XPOT: variants seen among roughly 807,000 people sequenced by gnomAD.
XPOT encodes the protein exportin for tRNA.
Under a neutral mutation model 128.2 loss-of-function variants are expected in XPOT, and 34 were observed. The ratio of observed to expected loss-of-function variants is 0.27; its 90% CI spans 0.20 to 0.35. XPOT has a LOEUF of 0.35. XPOT is among the 10% of genes least tolerant of loss of function. The pLI is 1.00. For synonymous variants in XPOT, 348 were observed against 394.3 expected, an observed-to-expected ratio of 0.88 and a Z score of 1.39; for missense variants, 838 against 1,125.3, an observed-to-expected ratio of 0.74 and a Z score of 3.65.
chr12:64,439,346 G>T (rs753947892), intron 23 of XPOT, 31 bp downstream of exon 23: 5 of 1,587,838 alleles, frequency 3.1e-6, no homozygotes, highest in Middle Eastern at 1.7e-4. Flanking sequence ...TTGTGTAGGC[G>T]AGAGATCACA....
chr12:64,416,700 A>G lies in XPOT; in HGVS notation c.146A>G (p.Asp49Gly). 6.2e-7 allele frequency: 1 copy of G among 1,611,846 alleles called. No individual in the cohort carries two copies. The highest frequency in any genetic ancestry group is 8.5e-7 in the Non-Finnish European group (1 of 1,178,824). ...CATTTTCTTTTTTTCTTTTTCAGTG[A>G]TGATCATGTGAAGTTTTTCTGCTTT... The part of the protein sequence containing the change: ...AEALAQRTYS[D>G]DHVKFFCFQV... Residue 49 changes from aspartate (D) to glycine (G), a missense_variant and splice_region_variant, in exon 4 of 25, where the codon GAT becomes GGT. Transcript: ENST00000332707.
intron 2 of XPOT, among the ~76,000 whole-genome samples, chr12:64,412,161 G>C (rs1391911623): frequency 6.6e-6 from 1 of 151,636 alleles, no homozygotes; most frequent in Non-Finnish European, 1.5e-5. Flanking sequence ...AGAGTAGCTA[G>C]GATTAGAAGC....
chr12:64,447,970 C>T (rs113650449), intron 24 of XPOT, 135 bp from the exon 25 acceptor site: 21 of 773,676 alleles, frequency 2.7e-5, no homozygotes, highest in African/African-American at 1.7e-4. Flanking sequence ...GGATTACATA[C>T]GGATATATAA....
At chr12:64,439,119 T>G (rs1245631819) in intron 22 of XPOT, 125 bp from the exon 23 acceptor site, 1 of 823,502 alleles carries the variant, frequency 1.2e-6, no homozygotes, top group East Asian at 2.7e-5. Context: ...GCAGTCTGGC[T>G]CTCGGGTCTG....
At chr12:64,413,943 T>C (rs1261439858) in intron 2 of XPOT, among the ~76,000 whole-genome samples, 4 of 152,268 alleles carry the variant, frequency 2.6e-5, no homozygotes, top group Non-Finnish European at 5.9e-5. Context: ...TATTTACCAA[T>C]TGAAATTAGG....
Position 64,420,353 on chromosome 12 carries a change from G to C in XPOT, c.675G>C (p.Arg225Ser), listed in dbSNP as rs370932701. 6.2e-7 allele frequency: 1 copy of C among 1,610,476 alleles called. No homozygotes were observed. The highest frequency in any genetic ancestry group is 1.3e-5 in the African/African-American group (1 of 74,608). The change falls in exon 8 of 25, where the codon AGG becomes AGC. Residue 225 changes from arginine to serine, a missense_variant and splice_region_variant. Transcript: ENST00000332707. ...WIDLSLIANDRFINMLLGHMS... is the reference protein window; with the variant it reads ...WIDLSLIANDSFINMLLGHMS... ...TACAATTTTATTGTCCCATTACCAG[G>C]TTTATAAATATGCTGCTAGGTCATA...
intron 15 of XPOT, 103 bp from the exon 16 acceptor site, chr12:64,427,948 A>T: frequency 1.4e-6 from 1 of 740,328 alleles, no homozygotes; most frequent in Non-Finnish European, 2.3e-6. Context: ...TGACTAGCCT[A>T]CAACTGAACT....
At chr12:64,424,796 T>TTAATAAG in intron 12 of XPOT, 73 bp downstream of exon 12, 1 of 1,548,116 alleles carries the variant, frequency 6.5e-7, no homozygotes, top group Non-Finnish European at 8.8e-7. Flanking sequence ...AAATAAATGA[T>TTAATAAG]TCATATGACT....
At position 64,434,832 on chromosome 12, in the gene XPOT, T is replaced by A; in HGVS notation, c.2608T>A (p.Tyr870Asn). The change falls in exon 21 of 25, where the codon TAT (tyrosine) becomes AAT (asparagine). Residue 870 changes from tyrosine (Y) to asparagine (N), a missense_variant. By Grantham distance (143) the Tyr-to-Asn change is moderately radical. Coordinates refer to ENST00000332707, the MANE Select transcript of XPOT (RefSeq NM_007235.6). ...DGPVGFADFV[Y>N]KHIVPACFLA... is the part of the protein sequence containing the mutation. The stretch of plus-strand genomic sequence containing the variant: ...ACCAGTGGGATTTGCTGATTTTGTT[T>A]ATAAGCACATTGTCCCCGCATGTTT... The A allele has an allele frequency of 6.2e-7, 1 of 1,612,200 alleles. No homozygotes were observed. The highest frequency in any genetic ancestry group is 8.5e-7 in the Non-Finnish European group (1 of 1,179,986).
At chr12:64,415,821 A>G (rs1379313597) in intron 3 of XPOT, among the ~76,000 whole-genome samples, 1 of 152,174 alleles carries the variant, frequency 6.6e-6, no homozygotes, top group African/African-American at 2.4e-5. Flanking sequence ...CCCATCCTCT[A>G]CAATTTCTAG....
At chr12:64,441,748 G>C (rs971123249) in intron 23 of XPOT, among the ~76,000 whole-genome samples, 1 of 150,904 alleles carries the variant, frequency 6.6e-6, no homozygotes, top group Non-Finnish European at 1.5e-5. Flanking sequence ...GCAGAGGCAC[G>C]ATCTTGGCTC....
chr12:64,440,100 CTT>C (rs2040313239), intron 23 of XPOT, among the ~76,000 whole-genome samples: 1 of 152,132 alleles, frequency 6.6e-6, no homozygotes, highest in Non-Finnish European at 1.5e-5. Context: ...ATAACTAAGA[CTT>C]TATACCCACT....
chr12:64,429,979 T>A, intron 16 of XPOT, 70 bp from the exon 17 acceptor site: 1 of 1,358,140 alleles, frequency 7.4e-7, no homozygotes. Context: ...CTGTTCCTAA[T>A]GCACTTTTTC....
At chr12:64,436,634 G>A (rs1390386160) in intron 22 of XPOT, among the ~76,000 whole-genome samples, 4 of 152,026 alleles carry the variant, frequency 2.6e-5, no homozygotes, top group African/African-American at 4.8e-5. Flanking sequence ...AGGCTGGAGT[G>A]CAGTGGCATG....
chr12:64,445,622 A>G (rs1289857910), intron 24 of XPOT, among the ~76,000 whole-genome samples: 7 of 152,146 alleles, frequency 4.6e-5, no homozygotes, highest in Admixed American at 6.5e-5. Flanking sequence ...TCATAGTTAT[A>G]ATTGAGTTCA....
intron 24 of XPOT, 92 bp from the exon 25 acceptor site, chr12:64,448,013 C>T: frequency 8.8e-7 from 1 of 1,137,502 alleles, no homozygotes; most frequent in Non-Finnish European, 1.3e-6. Flanking sequence ...TACAGAAGAA[C>T]ATTGCTAGCA....
chr12:64,444,091 C>T (rs61931557), intron 23 of XPOT, among the ~76,000 whole-genome samples: 1 of 152,068 alleles, frequency 6.6e-6, no homozygotes, highest in Non-Finnish European at 1.5e-5. Context: ...TAAGGAACCT[C>T]AGTTTTCCCT....
chr12:64,422,791 A>G (rs2040151253), intron 9 of XPOT, among the ~76,000 whole-genome samples: 1 of 151,844 alleles, frequency 6.6e-6, no homozygotes, highest in Non-Finnish European at 1.5e-5. Flanking sequence ...GGTCCCAGCT[A>G]ACTTGGGAGG....
Position 64,433,484 on chromosome 12 carries a change from G to T in XPOT, c.2333G>T (p.Arg778Leu), listed in dbSNP as rs1022442705. 1 of 1,610,284 alleles carries T rather than the reference G, an allele frequency of 6.2e-7. No homozygotes were observed. The highest frequency in any genetic ancestry group is 1.3e-5 in the African/African-American group (1 of 74,760). Reference protein sequence around the residue: ...LLHAIFEVLLRPAEENDQSAA... With the variant: ...LLHAIFEVLLLPAEENDQSAA... ...CATGCAATTTTTGAAGTGCTGCTCCGGCCAGCAGAAGAAAATGACCAGTCT... is the reference window on the plus strand; with the variant it reads ...CATGCAATTTTTGAAGTGCTGCTCCTGCCAGCAGAAGAAAATGACCAGTCT... Residue 778 changes from arginine (R) to leucine (L), a missense_variant, in exon 19 of 25, where the codon CGG becomes CTG. By Grantham distance (102) the Arg-to-Leu change is moderately radical (BLOSUM62 -2). Transcript: ENST00000332707.
Sources: allele counts gnomAD v4.1 joint callset (sites outside exome capture counted in the v4.1 genomes callset), GRCh38; gene constraint gnomAD v4.1.1; transcripts MANE v1.5; gene names NCBI Gene and HGNC (gene_info 2026-07-23, HGNC 2026-07-21).